The following STARD8 variants were observed in gnomAD, a reference collection of about 807,000 sequenced individuals.
STARD8 encodes stAR-related lipid transfer protein 8.
STARD8 carries 25 observed loss-of-function variants against 69.4 expected under a neutral mutation model. The observed-to-expected ratio is 0.36, with a 90% confidence interval of 0.26 to 0.50. The LOEUF (loss-of-function observed/expected upper bound fraction) is 0.50, where lower values mean the gene tolerates loss of function less well. Among genes scored for constraint, STARD8 ranks in the 20% least tolerant of loss-of-function variants. The probability of loss-of-function intolerance (pLI) is 0.96; values close to 1 mark genes in which losing one functional copy is unlikely to be tolerated. For missense variants in STARD8, 921 were observed against 932.5 expected, an observed-to-expected ratio of 0.99 and a Z score of 0.16; for synonymous variants, 389 against 374.6, an observed-to-expected ratio of 1.04 and a Z score of -0.45.
Position 68,670,919 on chromosome X carries a change from G to T in STARD8, c.79+5387G>T, listed in dbSNP as rs73215075. Among the ~76,000 whole-genome samples, 471 of 110,818 alleles carry T rather than the reference G, an allele frequency of 4.3e-3. 2 individuals carry two copies. The highest frequency in any genetic ancestry group is 6.9e-3 in the Non-Finnish European group (363 of 52,930). On this transcript the variant is annotated intron_variant, in intron 2 of 14. Coordinates refer to ENST00000374599, the MANE Select transcript of STARD8 (RefSeq NM_001142503.3). ...CTTCATAAGGCTTCCTAAATCTACC[G>T]CCTTTTCTTGTCACTCACACTAGCA...
chrX:68,648,824 GA>G (rs1345291311), intron 1 of STARD8, among the ~76,000 whole-genome samples: 1 of 112,117 alleles, frequency 8.9e-6, no homozygotes, highest in Non-Finnish European at 1.9e-5. Flanking sequence ...CAAGAACCAA[GA>G]AACTAATATT....
At chrX:68,694,744 C>T (rs937106272) in intron 2 of STARD8, among the ~76,000 whole-genome samples, 1 of 111,538 alleles carries the variant, frequency 9.0e-6, no homozygotes, top group Non-Finnish European at 1.9e-5. Flanking sequence ...CTCTGAGACG[C>T]TCGGGGTGGC....
intron 7 of STARD8, among the ~76,000 whole-genome samples, chrX:68,719,735 G>A (rs112450589): frequency 0.027 from 3,072 of 111,894 alleles, 136 homozygotes; most frequent in African/African-American, 0.094. Context: ...TTCTGGTCCC[G>A]CTCCATCCTT....
intron 5 of STARD8, 94 bp downstream of exon 5, chrX:68,716,525 C>T: frequency 1.1e-6 from 1 of 919,124 alleles, no homozygotes; most frequent in Non-Finnish European, 1.5e-6. Context: ...CTCCAGTATC[C>T]CAGGAGTCTG....
intron 2 of STARD8, among the ~76,000 whole-genome samples, chrX:68,689,177 T>TG (rs2147899785): frequency 9.5e-6 from 1 of 105,190 alleles, no homozygotes; most frequent in South Asian, 4.5e-4. Flanking sequence ...AGGAATGGGG[T>TG]GGGGCACCGG....
chrX:68,669,450 C>T (rs1303415188), intron 2 of STARD8, among the ~76,000 whole-genome samples: 1 of 112,178 alleles, frequency 8.9e-6, no homozygotes, highest in African/African-American at 3.2e-5. Context: ...CCACACTCCG[C>T]GGAGCTCATT....
intron 1 of STARD8, among the ~76,000 whole-genome samples, chrX:68,648,465 C>A (rs1367455004): frequency 9.0e-6 from 1 of 111,154 alleles, no homozygotes; most frequent in African/African-American, 3.3e-5. Context: ...TGGAGCTACA[C>A]AAAGACAAAA....
At chrX:68,713,438 C>T in intron 3 of STARD8, among the ~76,000 whole-genome samples, 1 of 111,728 alleles carries the variant, frequency 9.0e-6, no homozygotes, top group Non-Finnish European at 1.9e-5. Flanking sequence ...CCCTTTTCTC[C>T]CCACACCCCT....
rs951566910 is a variant in STARD8 at position 68,725,574 on chromosome X, A to G, written c.*1152A>G. The G allele has an allele frequency of 9.6e-6, 1 of 104,336 alleles. No individual in the cohort carries two copies. The highest frequency in any genetic ancestry group is 1.9e-5 in the Non-Finnish European group (1 of 51,867). 8.6% of individuals were successfully genotyped at this position (104,336 alleles called of 1,213,427 possible). On this transcript the variant is annotated 3_prime_UTR_variant, in exon 15 of 15. Coordinates refer to ENST00000374599, the MANE Select transcript of STARD8 (RefSeq NM_001142503.3). The stretch of plus-strand genomic sequence containing the variant: ...ACAGCTAATATATATATATATATAT[A>G]TATATGTGTGTGTGTGTGTGTGTGT...
intron 2 of STARD8, among the ~76,000 whole-genome samples, chrX:68,673,429 G>T (rs1788397481): frequency 1.8e-5 from 2 of 111,931 alleles, no homozygotes; most frequent in African/African-American, 6.5e-5. Context: ...CAGATACGCT[G>T]CCATAAGTTT....
intron 1 of STARD8, among the ~76,000 whole-genome samples, chrX:68,662,108 A>G (rs1318322660): frequency 9.2e-6 from 1 of 108,998 alleles, no homozygotes; most frequent in East Asian, 2.9e-4. Context: ...CCCAGGTTCA[A>G]GTGATTCTCC....
At chrX:68,700,623 T>C (rs1002529040) in intron 2 of STARD8, among the ~76,000 whole-genome samples, 2 of 112,477 alleles carry the variant, frequency 1.8e-5, no homozygotes, top group Non-Finnish European at 3.8e-5. Flanking sequence ...GCCTTTCTGC[T>C]CCAGGCTGAG....
chrX:68,652,661 C>T (rs1217529802), intron 1 of STARD8, among the ~76,000 whole-genome samples: 1 of 108,492 alleles, frequency 9.2e-6, no homozygotes, highest in Non-Finnish European at 1.9e-5. Flanking sequence ...CACACAGCCA[C>T]ACACCCCACA....
intron 2 of STARD8, among the ~76,000 whole-genome samples, chrX:68,690,876 T>G (rs1200348740): frequency 8.9e-6 from 1 of 112,179 alleles, no homozygotes; most frequent in Non-Finnish European, 1.9e-5. Flanking sequence ...CCATCACTCT[T>G]AAGTGTTTAC....
intron 8 of STARD8, 150 bp downstream of exon 8, chrX:68,720,573 G>A: frequency 1.5e-6 from 1 of 648,088 alleles, no homozygotes; most frequent in South Asian, 3.6e-5. Context: ...GCTGTTCTCA[G>A]CAAGGACCAG....
chrX:68,693,637 T>C, intron 2 of STARD8: 2 of 754,738 alleles, frequency 2.6e-6, no homozygotes, highest in Non-Finnish European at 3.1e-6. Context: ...CCCTCCCCAC[T>C]TGAGCTGAGT....
At chrX:68,701,683 TGGGCAGTGG>T (rs2079967486) in intron 2 of STARD8, among the ~76,000 whole-genome samples, 1 of 111,067 alleles carries the variant, frequency 9.0e-6, no homozygotes, top group Non-Finnish European at 1.9e-5. Context: ...GGTGGCAGTG[TGGGCAGTGG>T]GGGTGGCAGT....
Position 68,661,802 on chromosome X carries a change from T to C in STARD8, c.46-3697T>C, listed in dbSNP as rs990177837. On this transcript the variant is annotated intron_variant, in intron 1 of 14. Coordinates refer to ENST00000374599, the MANE Select transcript of STARD8 (RefSeq NM_001142503.3). The stretch of plus-strand genomic sequence containing the variant: ...GTCTATATATTGGTCCCCTTCTTCC[T>C]ACCCTAAGGACCACTGCCCAACCCA... Among the ~76,000 whole-genome samples, 4 of 110,534 alleles carry C rather than the reference T, an allele frequency of 3.6e-5. No homozygotes were observed. In the Admixed American group the frequency reaches 3.9e-4, roughly 11 times the overall value.
chrX:68,712,876 C>T (rs756978161), intron 2 of STARD8, 38 bp from the exon 3 acceptor site: 2 of 1,175,953 alleles, frequency 1.7e-6, no homozygotes, highest in Non-Finnish European at 2.3e-6. Flanking sequence ...CTCCTAACCC[C>T]ATTTCTTTGC....
Sources: gnomAD v4.1 joint callset for allele counts (sites outside exome capture counted in the v4.1 genomes callset) on GRCh38, gnomAD v4.1.1 for gene constraint, MANE v1.5 for transcripts, NCBI Gene and HGNC (gene_info 2026-07-23, HGNC 2026-07-21) for gene names.